The following SCHIP1 variants were observed in gnomAD, a reference collection of about 807,000 sequenced individuals.
SCHIP1 encodes schwannomin interacting protein 1, also known as schwannomin-interacting protein 1.
SCHIP1 carries 8 observed loss-of-function variants against 29.7 expected under a neutral mutation model. That is an observed-to-expected ratio of 0.27 (90% CI 0.16 to 0.49). The LOEUF (loss-of-function observed/expected upper bound fraction) is 0.49, where lower values mean the gene tolerates loss of function less well. Ranked by LOEUF, SCHIP1 falls within the 20% of genes least tolerant of loss-of-function variation. The probability of loss-of-function intolerance (pLI) is 0.99; values close to 1 mark genes in which losing one functional copy is unlikely to be tolerated. For missense variants in SCHIP1, 193 were observed against 294.6 expected, an observed-to-expected ratio of 0.66 and a Z score of 2.52; for synonymous variants, 76 against 94.9, an observed-to-expected ratio of 0.80 and a Z score of 1.16.
chr3:159,894,574 T>G (rs1717871113), intron 6 of SCHIP1: 1 of 152,256 alleles, frequency 6.6e-6, no homozygotes, highest in African/African-American at 2.4e-5. Flanking sequence ...TGTGTTTTAT[T>G]TGTCTGCTGT....
At chr3:159,293,058 G>A in the SCHIP1 span, among the ~76,000 whole-genome samples, 2 of 152,134 alleles carry the variant, frequency 1.3e-5, no homozygotes. Context: ...ACATCACTTT[G>A]TGTAGATTAA....
At chr3:159,497,972 G>A in the SCHIP1 span, among the ~76,000 whole-genome samples, 1 of 152,100 alleles carries the variant, frequency 6.6e-6, no homozygotes, top group African/African-American at 2.4e-5. Context: ...ACCATTACTG[G>A]AAGGGCAGAA....
chr3:159,305,053 C>T, the SCHIP1 span, among the ~76,000 whole-genome samples: 1 of 152,046 alleles, frequency 6.6e-6, no homozygotes, highest in Non-Finnish European at 1.5e-5. Flanking sequence ...CCAGCTTTTC[C>T]CTCTTATGCC....
the SCHIP1 span, among the ~76,000 whole-genome samples, chr3:159,505,983 C>G: frequency 6.6e-6 from 1 of 152,046 alleles, no homozygotes; most frequent in Non-Finnish European, 1.5e-5. Flanking sequence ...GGGTATATAC[C>G]CAGTAATGGG....
At chr3:159,828,455 A>ATATATATACG in the SCHIP1 span, among the ~76,000 whole-genome samples, 1 of 131,378 alleles carries the variant, frequency 7.6e-6, no homozygotes, top group East Asian at 2.1e-4. Flanking sequence ...ATATATACGT[A>ATATATATACG]TATATATGTA....
chr3:159,420,731 G>A, the SCHIP1 span, among the ~76,000 whole-genome samples: 2 of 152,142 alleles, frequency 1.3e-5, no homozygotes, highest in South Asian at 4.1e-4. Context: ...ATTTTTGGCA[G>A]ATGTCTTTTA....
chr3:159,713,233 G>GAAGAAAGA, the SCHIP1 span, among the ~76,000 whole-genome samples: 8,989 of 124,464 alleles, frequency 0.072, 360 homozygotes, highest in East Asian at 0.11. Flanking sequence ...AGAAAGAAAG[G>GAAGAAAGA]AAGAAAGAAA....
At chr3:159,495,166 A>T in the SCHIP1 span, among the ~76,000 whole-genome samples, 2 of 152,322 alleles carry the variant, frequency 1.3e-5, no homozygotes, top group East Asian at 3.9e-4. Context: ...AATGGGCAAA[A>T]ACTGGAAGCA....
the SCHIP1 span, among the ~76,000 whole-genome samples, chr3:159,328,392 A>G: frequency 5.9e-5 from 9 of 152,156 alleles, no homozygotes; most frequent in Non-Finnish European, 1.0e-4. Flanking sequence ...CTGTGACAGA[A>G]GTATGTCAGC....
At chr3:159,871,363 G>A (rs1489250535) in intron 2 of SCHIP1, among the ~76,000 whole-genome samples, 1 of 130,164 alleles carries the variant, frequency 7.7e-6, no homozygotes, top group Non-Finnish European at 1.7e-5. Context: ...GTTTGTTGGG[G>A]GGGGTGGGGG....
the SCHIP1 span, among the ~76,000 whole-genome samples, chr3:159,345,554 T>TCTCTCTCTCTCTCTCTCTCTCTCTC: frequency 1.1e-5 from 1 of 93,446 alleles, no homozygotes; most frequent in East Asian, 2.8e-4. Context: ...GTGTCTCTCT[T>TCTCTCTCTCTCTCTCTCTCTCTCTC]TCTCTCTCTC....
At chr3:159,637,371 C>CCACACACA in the SCHIP1 span, among the ~76,000 whole-genome samples, 2,013 of 134,598 alleles carry the variant, frequency 0.015, 21 homozygotes, top group Admixed American at 0.023. Context: ...CCGGCCCCAG[C>CCACACACA]CACACACACA....
chr3:159,407,912 T>C, the SCHIP1 span, among the ~76,000 whole-genome samples: 1 of 152,030 alleles, frequency 6.6e-6, no homozygotes, highest in Non-Finnish European at 1.5e-5. Flanking sequence ...TGGCTTTGAG[T>C]GCCTACATCA....
the SCHIP1 span, among the ~76,000 whole-genome samples, chr3:159,502,826 T>C: frequency 1.3e-5 from 2 of 152,228 alleles, no homozygotes; most frequent in East Asian, 1.9e-4. Context: ...CAGATTTGCT[T>C]GGCCAAGTGC....
At chr3:159,429,962 A>G in the SCHIP1 span, among the ~76,000 whole-genome samples, 1 of 152,216 alleles carries the variant, frequency 6.6e-6, no homozygotes, top group Non-Finnish European at 1.5e-5. Context: ...GAGCCTTAAG[A>G]GGGAAAAATT....
chr3:159,745,420 T>A, the SCHIP1 span, among the ~76,000 whole-genome samples: 1 of 152,228 alleles, frequency 6.6e-6, no homozygotes, highest in Non-Finnish European at 1.5e-5. Context: ...AGAGATGGTT[T>A]ACTAAAAATT....
At chr3:159,513,500 A>C in the SCHIP1 span, among the ~76,000 whole-genome samples, 2 of 152,118 alleles carry the variant, frequency 1.3e-5, no homozygotes, top group Non-Finnish European at 2.9e-5. Flanking sequence ...TATTTTAAGG[A>C]GACAAAGCTG....
At chr3:159,572,598 T>C in the SCHIP1 span, among the ~76,000 whole-genome samples, 1 of 152,212 alleles carries the variant, frequency 6.6e-6, no homozygotes, top group East Asian at 1.9e-4. Context: ...ATTCTGTTTA[T>C]TTGGGATGGA....
the SCHIP1 span, among the ~76,000 whole-genome samples, chr3:159,465,590 T>A: frequency 6.6e-6 from 1 of 152,118 alleles, no homozygotes; most frequent in Admixed American, 6.6e-5. Context: ...GGATAAATAC[T>A]GACTAAGGCA....
Sources: gnomAD v4.1 joint callset for allele counts (sites outside exome capture counted in the v4.1 genomes callset) on GRCh38, gnomAD v4.1.1 for gene constraint, MANE v1.5 for transcripts, NCBI Gene and HGNC (gene_info 2026-07-23, HGNC 2026-07-21) for gene names.